FAM120B: variants seen among roughly 807,000 people sequenced by gnomAD.
The protein encoded by FAM120B is constitutive coactivator of peroxisome proliferator-activated receptor gamma.
In FAM120B, 83 loss-of-function variants were observed where a neutral mutation model predicts 96.3. The observed-to-expected ratio is 0.86, with a 90% CI of 0.72 to 1.03. The LOEUF is 1.03. Ranked by LOEUF, FAM120B falls within the 50% of genes least tolerant of loss-of-function variation. The pLI is 0.00. For missense variants in FAM120B, 1,027 were observed against 1,121.2 expected, an observed-to-expected ratio of 0.92 and a Z score of 1.20; for synonymous variants, 407 against 402.7, an observed-to-expected ratio of 1.01 and a Z score of -0.13.
intron 4 of FAM120B, among the ~76,000 whole-genome samples, chr6:170,337,718 T>G (rs1786534221): frequency 1.3e-5 from 2 of 152,210 alleles, no homozygotes; most frequent in South Asian, 4.1e-4. Flanking sequence ...AACCTATTAT[T>G]GGTCCGTTCA....
Position 170,318,032 on chromosome 6 carries a change from T to C in FAM120B, c.642T>C (p.Ser214=), listed in dbSNP as rs773547816. 8.1e-6 allele frequency: 13 copies of C among 1,613,924 alleles called. No homozygotes were observed. In the Admixed American group the frequency reaches 2.2e-4, roughly 27 times the overall value. ...TCTGCAGAGAGAAGCTCTGTGAGAG[T>C]CTGGGCCTCTGTGTGGCCGACCTTC... ...VMLCREKLCE[S]LGLCVADLPL... The change falls in exon 2 of 11, where the codon AGT becomes AGC. Residue 214 remains serine, a synonymous_variant. Transcript: ENST00000476287.
chr6:170,316,319 G>A (rs1784898665), intron 1 of FAM120B, among the ~76,000 whole-genome samples: 2 of 152,164 alleles, frequency 1.3e-5, no homozygotes, highest in Non-Finnish European at 2.9e-5. Context: ...TCTAGGAGAG[G>A]CGTCATTTGT....
chr6:170,399,661 A>ACT (rs1554293091), intron 9 of FAM120B, among the ~76,000 whole-genome samples: 14 of 86,568 alleles, frequency 1.6e-4, no homozygotes, highest in South Asian at 4.2e-4. Context: ...CTATGTCATA[A>ACT]CTTAGGAGTG....
At position 170,363,805 on chromosome 6, in the gene FAM120B, C is replaced by T. The variant is rs147809837; in HGVS notation, c.2283+5487C>T. On this transcript the variant is annotated intron_variant, in intron 6 of 10. Coordinates refer to ENST00000476287, the MANE Select transcript of FAM120B (RefSeq NM_032448.3). This position sits in a 1 kb window ranked among gnomAD's most constrained non-coding sequence, Gnocchi z 4.5. ...TTTTAGACAGAGTCTCACCCTGTCA[C>T]CCAGGCTAGAGTGCAGTGGCGCGAA... Among the ~76,000 whole-genome samples the T allele has an allele frequency of 6.9e-3, 1,058 of 152,242 alleles. 11 individuals are homozygous for T. Among genetic ancestry groups the T allele is most frequent in the African/African-American group, 0.024 (1,010 of 41,532 alleles).
intron 6 of FAM120B, among the ~76,000 whole-genome samples, chr6:170,375,862 A>T (rs1389400955): frequency 1.3e-5 from 2 of 152,170 alleles, no homozygotes; most frequent in African/African-American, 4.8e-5. Context: ...GACTAGATCG[A>T]TAAAGGGTGG....
At chr6:170,323,295 A>G (rs3800267) in intron 3 of FAM120B, 36 bp downstream of exon 3, 219,542 of 1,560,580 alleles carry the variant, frequency 0.14, 17,125 homozygotes, top group East Asian at 0.31. Context: ...TAAAGGTTCT[A>G]TTTGGAGTTG....
chr6:170,388,502 A>C lies in FAM120B; in HGVS notation c.2490+9A>C. 2 of 1,610,376 alleles carry C rather than the reference A, an allele frequency of 1.2e-6. No homozygotes were observed. The highest frequency in any genetic ancestry group is 1.7e-6 in the Non-Finnish European group (2 of 1,176,608). On this transcript the variant is annotated intron_variant, in intron 7 of 10. Transcript: ENST00000476287. Reference sequence around the variant, plus strand: ...TTCTTTTAGAACAAAATGTGAGTTCACAGACACCTACCTTTCACCAGAAAC... The same window carrying C: ...TTCTTTTAGAACAAAATGTGAGTTCCCAGACACCTACCTTTCACCAGAAAC...
chr6:170,353,274 A>C (rs1017400055), intron 5 of FAM120B, among the ~76,000 whole-genome samples: 6 of 152,180 alleles, frequency 3.9e-5, no homozygotes, highest in Non-Finnish European at 5.9e-5. Flanking sequence ...AACAAACAAA[A>C]AAAAATCCAG....
In FAM120B at chr6:170,355,670, G is replaced by A. The variant is rs74453912; in HGVS notation, c.2191-2556G>A. Among the ~76,000 whole-genome samples the A allele has an allele frequency of 5.9e-3, 900 of 152,198 alleles. 4 individuals carry two copies. Among genetic ancestry groups the A allele is most frequent in the Non-Finnish European group, 0.01 (693 of 68,010 alleles). On this transcript the variant is annotated intron_variant, in intron 5 of 10. Coordinates refer to ENST00000476287, the MANE Select transcript of FAM120B (RefSeq NM_032448.3). ...TCTGTGCAGTAACCCATCATGGCAC[G>A]TGTTTACCTATGTAACAAGCCTGCA...
chr6:170,368,307 A>G (rs559665104), intron 6 of FAM120B, among the ~76,000 whole-genome samples: 4 of 152,342 alleles, frequency 2.6e-5, no homozygotes, highest in African/African-American at 9.6e-5. Flanking sequence ...TTCTCACCAG[A>G]CAGTGAGACA....
intron 3 of FAM120B, among the ~76,000 whole-genome samples, chr6:170,328,058 A>T (rs2115056149): frequency 6.7e-6 from 1 of 150,132 alleles, no homozygotes; most frequent in Non-Finnish European, 1.5e-5. Flanking sequence ...TCAACAATAA[A>T]TTAACCTTAA....
chr6:170,383,603 A>G (rs1790036455), intron 6 of FAM120B, among the ~76,000 whole-genome samples: 3 of 152,246 alleles, frequency 2.0e-5, no homozygotes, highest in Admixed American at 6.5e-5. Flanking sequence ...AGATAGCACT[A>G]CACACGGATT....
rs199886904 is a variant in FAM120B, at chr6:170,363,775, G to GT, written c.2283+5465dup. Among the ~76,000 whole-genome samples, 323 of 152,022 alleles carry GT rather than the reference G, an allele frequency of 2.1e-3. 1 individual carries two copies. Among genetic ancestry groups the GT allele is most frequent in the East Asian group, 4.1e-3 (21 of 5,178 alleles). On this transcript the variant is annotated intron_variant, in intron 6 of 10. Transcript: ENST00000476287. The surrounding 1 kb of genome is among the most constrained non-coding windows in gnomAD (Gnocchi z 4.5). ...CTTATTAAACATCATGTTTTATTTT[G>GT]TTTTTTTTAGACAGAGTCTCACCCT...
intron 4 of FAM120B, among the ~76,000 whole-genome samples, chr6:170,331,852 T>C (rs887462116): frequency 9.8e-5 from 15 of 152,368 alleles, no homozygotes; most frequent in African/African-American, 3.6e-4. Context: ...AGCGTGTGTA[T>C]AGCACCTTGG....
chr6:170,360,205 C>T (rs1562565423), intron 6 of FAM120B, among the ~76,000 whole-genome samples: 2 of 152,324 alleles, frequency 1.3e-5, no homozygotes, highest in East Asian at 3.9e-4. Flanking sequence ...CTACCCTTCA[C>T]CAGCTATGGG....
rs776487833 is a variant in FAM120B, at chr6:170,317,709, A to G, written c.319A>G (p.Lys107Glu). The change falls in exon 2 of 11, where the codon AAG becomes GAG. Residue 107 changes from lysine (K) to glutamate (E), a missense_variant. Physicochemically the swap from Lys to Glu is moderately conservative, Grantham distance 56. Transcript: ENST00000476287. ...KRDEWVKRRL[K>E]NNREISRIFH... ...AGATGAATGGGTGAAACGAAGGCTC[A>G]AGAACAACAGGGAGATATCCAGGAT... 1.2e-6 allele frequency: 2 copies of G among 1,614,100 alleles called. No individual in the cohort carries two copies. The highest frequency in any genetic ancestry group is 1.7e-5 in the Admixed American group (1 of 60,006).
At position 170,318,508 on chromosome 6, in the gene FAM120B, C is replaced by A. The variant is rs1346547772; in HGVS notation, c.1118C>A (p.Pro373His). Residue 373 changes from proline to histidine, a missense_variant, in exon 2 of 11, where the codon CCC becomes CAC. Physicochemically the swap from Pro to His is moderately conservative, Grantham distance 77. Transcript: ENST00000476287. Reference sequence around the variant, plus strand: ...GTTCCCGTGTATACAGATTCTGAACCCAGGCAAGAAGTTCCCATGTGTTCA... The same window carrying A: ...GTTCCCGTGTATACAGATTCTGAACACAGGCAAGAAGTTCCCATGTGTTCA... ...REVPVYTDSE[P>H]RQEVPMCSDP... The A allele has an allele frequency of 6.3e-7, 1 of 1,582,528 alleles. No individual in the cohort carries two copies. Among genetic ancestry groups the A allele is most frequent in the South Asian group, 1.1e-5 (1 of 88,520 alleles).
chr6:170,299,330 T>G (rs1184185672), intron 1 of FAM120B, among the ~76,000 whole-genome samples: 2 of 152,262 alleles, frequency 1.3e-5, no homozygotes, highest in African/African-American at 2.4e-5. Context: ...TGTTCAAATG[T>G]TCTTTTATTC....
chr6:170,358,330 A>G lies in FAM120B; in HGVS notation c.2283+12A>G. ...TTGTAAATCTACAGGTACAGACGTG[A>G]CCAGTTAGTTGTCACTGCCCGGAAG... On this transcript the variant is annotated intron_variant, in intron 6 of 10. Coordinates refer to ENST00000476287, the MANE Select transcript of FAM120B (RefSeq NM_032448.3). 6.3e-7 allele frequency: 1 copy of G among 1,578,670 alleles called. No homozygotes were observed. The highest frequency in any genetic ancestry group is 1.3e-5 in the African/African-American group (1 of 74,576).
Sources: allele counts gnomAD v4.1 joint callset (sites outside exome capture counted in the v4.1 genomes callset), GRCh38; gene constraint gnomAD v4.1.1; non-coding constraint Gnocchi (gnomAD v3.1); transcripts MANE v1.5; gene names NCBI Gene and HGNC (gene_info 2026-07-23, HGNC 2026-07-21).